Variants in SKAP2 observed in about 807,000 individuals in gnomAD.
SKAP2 encodes src kinase associated phosphoprotein 2.
Under a neutral mutation model 54.9 loss-of-function variants are expected in SKAP2, and 28 were observed. The ratio of observed to expected loss-of-function variants is 0.51; its 90% confidence interval spans 0.38 to 0.70. SKAP2 has a LOEUF of 0.70. Among genes scored for constraint, SKAP2 ranks in the 30% least tolerant of loss-of-function variants. SKAP2 has a pLI of 0.00. For synonymous variants in SKAP2, 137 were observed against 134.3 expected (o/e 1.02, Z -0.14); for missense variants, 356 against 424.1 (o/e 0.84, Z 1.41).
chr7:26,757,023 G>A (rs1417563150), intron 4 of SKAP2, among the ~76,000 whole-genome samples: 1 of 152,176 alleles, frequency 6.6e-6, no homozygotes, highest in Non-Finnish European at 1.5e-5. Context: ...TTTTTGATGG[G>A]GTTGTTTTTT....
chr7:26,754,118 C>A (rs1454081010), intron 4 of SKAP2, among the ~76,000 whole-genome samples: 5 of 152,070 alleles, frequency 3.3e-5, no homozygotes, highest in Admixed American at 3.3e-4. Context: ...CATTCCAGCA[C>A]TTTGGGAGGC....
intron 9 of SKAP2, 103 bp from the exon 10 acceptor site, chr7:26,690,465 AAACATTATTTTTCAAAGAATAAAAT>A (rs1469438188): frequency 1.5e-6 from 1 of 682,380 alleles, no homozygotes; most frequent in Non-Finnish European, 2.6e-6. Context: ...TATAACACAT[AAACATTATTTTTCAAAGAATAAAAT>A]AACTCAAGAT....
chr7:26,729,507 A>G (rs1013446101), intron 6 of SKAP2, among the ~76,000 whole-genome samples: 2 of 152,192 alleles, frequency 1.3e-5, no homozygotes, highest in African/African-American at 4.8e-5. Context: ...AATATAAAAT[A>G]AAAAGAGGAA....
intron 4 of SKAP2, among the ~76,000 whole-genome samples, chr7:26,765,766 A>G (rs1331008003): frequency 6.6e-6 from 1 of 152,162 alleles, no homozygotes; most frequent in Non-Finnish European, 1.5e-5. Flanking sequence ...TTTGTCAAAG[A>G]GCAGATGGTT....
downstream of SKAP2, among the ~76,000 whole-genome samples, chr7:26,663,706 G>A (rs1043388999): frequency 8.5e-5 from 13 of 152,146 alleles, no homozygotes; most frequent in African/African-American, 3.1e-4. Context: ...TGGATTTGCA[G>A]TCCTCTTCAA....
At chr7:26,749,784 T>C (rs1782642050) in intron 4 of SKAP2, among the ~76,000 whole-genome samples, 2 of 134,070 alleles carry the variant, frequency 1.5e-5, no homozygotes, top group Non-Finnish European at 3.1e-5. Flanking sequence ...ATAATAATAA[T>C]AGGTCCTACT....
chr7:26,669,986 T>A, intron 12 of SKAP2, 105 bp downstream of exon 12: 1 of 477,842 alleles, frequency 2.1e-6, no homozygotes. Context: ...ACAATCTTTG[T>A]GTTATCAGAA....
chr7:26,797,292 T>G (rs1465364720), intron 4 of SKAP2, among the ~76,000 whole-genome samples: 1 of 152,156 alleles, frequency 6.6e-6, no homozygotes, highest in Non-Finnish European at 1.5e-5. Flanking sequence ...CCCCGTGCAG[T>G]CATAGTGGTG....
At chr7:26,764,208 A>G (rs1044577594) in intron 4 of SKAP2, among the ~76,000 whole-genome samples, 1 of 152,196 alleles carries the variant, frequency 6.6e-6, no homozygotes, top group Non-Finnish European at 1.5e-5. Flanking sequence ...GTGTGGGTAT[A>G]TATGTGTCTA....
chr7:26,842,891 A>C (rs180810057), intron 4 of SKAP2, among the ~76,000 whole-genome samples: 20 of 150,478 alleles, frequency 1.3e-4, no homozygotes, highest in Middle Eastern at 6.9e-3. Context: ...GCAAAAAAAA[A>C]CCCTCCCTTT....
intron 4 of SKAP2, among the ~76,000 whole-genome samples, chr7:26,824,104 A>G (rs1784441098): frequency 6.6e-6 from 1 of 152,146 alleles, no homozygotes; most frequent in Non-Finnish European, 1.5e-5. Context: ...AGAAGAATCA[A>G]TCAATGAATC....
At chr7:26,788,812 A>T (rs1316144745) in intron 4 of SKAP2, among the ~76,000 whole-genome samples, 1 of 151,374 alleles carries the variant, frequency 6.6e-6, no homozygotes, top group Non-Finnish European at 1.5e-5. Flanking sequence ...GTATACACAG[A>T]TACACACGTG....
At chr7:26,836,909 TCA>T (rs763359673) in intron 4 of SKAP2, among the ~76,000 whole-genome samples, 1 of 152,160 alleles carries the variant, frequency 6.6e-6, no homozygotes, top group Non-Finnish European at 1.5e-5. Context: ...ACAGCACTGT[TCA>T]CAATAGCAAA....
intron 4 of SKAP2, among the ~76,000 whole-genome samples, chr7:26,833,247 T>A (rs990404597): frequency 1.4e-5 from 2 of 148,064 alleles, no homozygotes; most frequent in African/African-American, 2.5e-5. Flanking sequence ...CAAAAAAAAA[T>A]TAGCCAGGAG....
chr7:26,762,426 C>T (rs1408919911), intron 4 of SKAP2, among the ~76,000 whole-genome samples: 1 of 152,114 alleles, frequency 6.6e-6, no homozygotes, highest in Non-Finnish European at 1.5e-5. Flanking sequence ...ATGTTCTCTC[C>T]CATATAAACA....
At chr7:26,711,185 A>C (rs1431461331) in intron 9 of SKAP2, among the ~76,000 whole-genome samples, 1 of 152,194 alleles carries the variant, frequency 6.6e-6, no homozygotes, top group African/African-American at 2.4e-5. Context: ...AGTGACTATA[A>C]AGGTTCCACA....
chr7:26,660,104 A>T, the SKAP2 span, among the ~76,000 whole-genome samples: 1 of 152,118 alleles, frequency 6.6e-6, no homozygotes, highest in African/African-American at 2.4e-5. Context: ...AAACCAGATT[A>T]ATGGATTAAA....
intron 3 of SKAP2, among the ~76,000 whole-genome samples, chr7:26,844,493 T>TAAC (rs3069887): frequency 0.21 from 32,543 of 151,416 alleles, 3,541 homozygotes; most frequent in Non-Finnish European, 0.24. Context: ...AAGATAACAG[T>TAAC]AACAACAACA....
intron 1 of SKAP2, among the ~76,000 whole-genome samples, chr7:26,860,269 C>A (rs868274926): frequency 1.3e-5 from 2 of 152,076 alleles, no homozygotes; most frequent in African/African-American, 2.4e-5. Context: ...AAAAGCAGGA[C>A]ATTATATACT....
Sources: gnomAD v4.1 joint callset for allele counts (sites outside exome capture counted in the v4.1 genomes callset) on GRCh38, gnomAD v4.1.1 for gene constraint, MANE v1.5 for transcripts, NCBI Gene and HGNC (gene_info 2026-07-23, HGNC 2026-07-21) for gene names.